VMA12: variants seen among roughly 807,000 people sequenced by gnomAD.
VMA12 encodes vacuolar ATPase assembly factor VMA12.
At chr17:28,360,990 C>T in the VMA12 span, 1 of 897,986 alleles carries the variant, frequency 1.1e-6, no homozygotes, top group Non-Finnish European at 1.7e-6. Flanking sequence ...AGCTTTCCAG[C>T]AGTCACGGGA....
At chr17:28,358,628 TG>T in the VMA12 span, among the ~76,000 whole-genome samples, 2 of 152,232 alleles carry the variant, frequency 1.3e-5, no homozygotes, top group African/African-American at 4.8e-5. Flanking sequence ...AGAGCTGTTG[TG>T]GCCACAGAAC....
At chr17:28,358,542 G>A in the VMA12 span, 1 of 478,274 alleles carries the variant, frequency 2.1e-6, no homozygotes, top group African/African-American at 2.0e-5. Flanking sequence ...AACTAGAAAG[G>A]ACCTTAGAAA....
At chr17:28,360,056 C>T in the VMA12 span, 9 of 157,074 alleles carry the variant, frequency 5.7e-5, no homozygotes, top group Admixed American at 3.7e-4. Flanking sequence ...CGGCCTCCGC[C>T]TTCCAGGTTT....
chr17:28,360,661 G>A, the VMA12 span: 2 of 1,604,602 alleles, frequency 1.2e-6, no homozygotes, highest in Non-Finnish European at 1.7e-6. Context: ...CCCAGTTGGT[G>A]GGGGAGCCAT....
chr17:28,357,716 G>C, the VMA12 span: 1 of 1,613,256 alleles, frequency 6.2e-7, no homozygotes, highest in Non-Finnish European at 8.5e-7. Flanking sequence ...GCGTGCTTTG[G>C]GCCCCGGCGG....
the VMA12 span, chr17:28,362,087 G>C: frequency 6.6e-6 from 1 of 152,054 alleles, no homozygotes; most frequent in Admixed American, 6.5e-5. Context: ...TAACTCCTGT[G>C]ACAACACAAA....
the VMA12 span, chr17:28,363,469 C>G: frequency 1.5e-4 from 23 of 152,078 alleles, no homozygotes; most frequent in Admixed American, 1.5e-3. Flanking sequence ...GCAAACGGCC[C>G]TCGTCCCCGT....
the VMA12 span, chr17:28,358,015 G>C: frequency 2.2e-6 from 2 of 910,528 alleles, no homozygotes; most frequent in Non-Finnish European, 1.6e-6. Flanking sequence ...ATAAATCCCA[G>C]GGCCACCCAC....
chr17:28,360,893 A>C, the VMA12 span: 1 of 1,521,946 alleles, frequency 6.6e-7, no homozygotes, highest in Non-Finnish European at 9.1e-7. Flanking sequence ...TGGGGGTGTT[A>C]GTGGGTAAGG....
chr17:28,359,669 C>A, the VMA12 span: 1 of 252,650 alleles, frequency 4.0e-6, no homozygotes, highest in South Asian at 7.3e-5. Flanking sequence ...CTTTGGGAGG[C>A]TGAGGTAGGT....
chr17:28,359,065 C>T, the VMA12 span: 2 of 1,365,318 alleles, frequency 1.5e-6, no homozygotes, highest in Non-Finnish European at 2.0e-6. Context: ...ACTTATAAAT[C>T]AACTTTTAGG....
the VMA12 span, chr17:28,358,309 T>TTG: frequency 4.6e-6 from 2 of 434,014 alleles, no homozygotes; most frequent in Admixed American, 2.8e-5. Flanking sequence ...GTTTTTTTAA[T>TTG]ATAGGATGGC....
chr17:28,357,905 G>A, the VMA12 span: 9 of 1,612,544 alleles, frequency 5.6e-6, no homozygotes, highest in Non-Finnish European at 5.9e-6. Context: ...TCCAGTCCGG[G>A]GTCCCCTCCT....
At chr17:28,359,536 G>A in the VMA12 span, 1 of 748,778 alleles carries the variant, frequency 1.3e-6, no homozygotes. Flanking sequence ...TAGGAAGTCT[G>A]CATACAAACA....
chr17:28,358,592 C>A, the VMA12 span: 2 of 484,492 alleles, frequency 4.1e-6, no homozygotes. Flanking sequence ...CATTTAGCAT[C>A]ACTATGACCT....
At chr17:28,361,253 C>T in the VMA12 span, 1 of 1,614,048 alleles carries the variant, frequency 6.2e-7, no homozygotes, top group Non-Finnish European at 8.5e-7. Context: ...AGAACTGTAA[C>T]TGGTGCTTCA....
the VMA12 span, chr17:28,359,447 G>A: frequency 6.3e-7 from 1 of 1,579,452 alleles, no homozygotes; most frequent in Non-Finnish European, 8.7e-7. Flanking sequence ...TAGCCCCTCA[G>A]AGTAGGGCCC....
chr17:28,359,368 G>A, the VMA12 span: 80 of 1,614,074 alleles, frequency 5.0e-5, no homozygotes, highest in African/African-American at 8.7e-4. Flanking sequence ...TGGCCAATGA[G>A]GAATATAAAC....
chr17:28,359,607 T>A, the VMA12 span: 1 of 455,114 alleles, frequency 2.2e-6, no homozygotes, highest in Non-Finnish European at 3.9e-6. Flanking sequence ...GTTTTAAACG[T>A]CATAGAAGTG....
Sources: gnomAD v4.1 joint callset for allele counts (sites outside exome capture counted in the v4.1 genomes callset) on GRCh38, gnomAD v4.1.1 for gene constraint, MANE v1.5 for transcripts, NCBI Gene and HGNC (gene_info 2026-07-23, HGNC 2026-07-21) for gene names.